PDE7A: variants seen among roughly 807,000 people sequenced by gnomAD.
PDE7A encodes high affinity 3',5'-cyclic-AMP phosphodiesterase 7A.
PDE7A carries 39 observed loss-of-function variants against 64.3 expected under a neutral mutation model. The observed-to-expected ratio is 0.61, with a 90% confidence interval of 0.47 to 0.79. PDE7A has a LOEUF of 0.79. Among genes scored for constraint, PDE7A ranks in the 30% least tolerant of loss-of-function variants. The probability of loss-of-function intolerance (pLI) is 0.00; values close to 1 mark genes in which losing one functional copy is unlikely to be tolerated. For missense variants in PDE7A, 470 were observed against 582.8 expected, an observed-to-expected ratio of 0.81 and a Z score of 1.99; for synonymous variants, 203 against 206.8, an observed-to-expected ratio of 0.98 and a Z score of 0.16.
At chr8:65,719,700 G>T in intron 12 of PDE7A, 1 of 556,220 alleles carries the variant, frequency 1.8e-6, no homozygotes, top group South Asian at 2.5e-5. Flanking sequence ...TAACTCAATG[G>T]AAATTTGAGT....
intron 1 of PDE7A, among the ~76,000 whole-genome samples, chr8:65,793,942 A>T (rs1809769023): frequency 6.6e-6 from 1 of 152,208 alleles, no homozygotes; most frequent in Non-Finnish European, 1.5e-5. Context: ...ATCTGCCTCA[A>T]ACTAGCCTCT....
At chr8:65,744,114 T>C (rs1807563971) in intron 5 of PDE7A, among the ~76,000 whole-genome samples, 1 of 152,172 alleles carries the variant, frequency 6.6e-6, no homozygotes, top group African/African-American at 2.4e-5. Flanking sequence ...ATTACAGGCA[T>C]GAGCCACCAC....
In PDE7A at chr8:65,716,771, C is replaced by G. The variant is rs142132335; in HGVS notation, c.*2519G>C. On this transcript the variant is annotated 3_prime_UTR_variant, in exon 13 of 13. Transcript: ENST00000401827. ...TAGTTCCACTCTCTATGTACTGAAA[C>G]AGTGGGCCTGAATTTTTAAGGATCT... Among the ~76,000 whole-genome samples the G allele has an allele frequency of 2.2e-4, 34 of 152,260 alleles. No homozygotes were observed. Among genetic ancestry groups the G allele is most frequent in the African/African-American group, 8.2e-4 (34 of 41,564 alleles).
intron 6 of PDE7A, among the ~76,000 whole-genome samples, chr8:65,738,769 T>C (rs1311545957): frequency 3.3e-5 from 5 of 152,186 alleles, no homozygotes; most frequent in Non-Finnish European, 1.5e-5. Flanking sequence ...AAAGAGATTC[T>C]AGGGGTCAGA....
rs145930008 is a variant in PDE7A at position 65,742,664 on chromosome 8, T to C, written c.499+2743A>G. Among the ~76,000 whole-genome samples, 272 of 152,332 alleles carry C rather than the reference T, an allele frequency of 1.8e-3. 1 individual carries two copies. Among genetic ancestry groups the C allele is most frequent in the African/African-American group, 6.0e-3 (251 of 41,580 alleles). ...TGAAGCAGTTTTAAAAGGAAAGCCA[T>C]TCTCATTATATAATATAAGCTAAAG... On this transcript the variant is annotated intron_variant, in intron 5 of 12. Transcript: ENST00000401827.
chr8:65,834,040 T>C (rs528805973), intron 1 of PDE7A, among the ~76,000 whole-genome samples: 2 of 152,236 alleles, frequency 1.3e-5, no homozygotes, highest in East Asian at 1.9e-4. Flanking sequence ...ACAAATACAG[T>C]TGACAATTCA....
intron 3 of PDE7A, among the ~76,000 whole-genome samples, chr8:65,755,164 G>C (rs891836939): frequency 1.3e-5 from 2 of 150,594 alleles, no homozygotes; most frequent in African/African-American, 4.9e-5. Flanking sequence ...GGGACTATAG[G>C]TGCATGCCAC....
At chr8:65,750,490 GTGTGTGTGTGTGTC>G (rs762652286) in intron 3 of PDE7A, among the ~76,000 whole-genome samples, 2,561 of 139,494 alleles carry the variant, frequency 0.018, 77 homozygotes, top group African/African-American at 0.065. Flanking sequence ...GTGTGTGTGT[GTGTGTGTGTGTGTC>G]TGTGTGTGTC....
intron 3 of PDE7A, among the ~76,000 whole-genome samples, chr8:65,769,457 C>A (rs1377599291): frequency 6.6e-6 from 1 of 152,134 alleles, no homozygotes; most frequent in Non-Finnish European, 1.5e-5. Flanking sequence ...TACTTCTTGG[C>A]TAGAAGAATT....
intron 1 of PDE7A, among the ~76,000 whole-genome samples, chr8:65,805,099 C>T (rs913265091): frequency 1.3e-5 from 2 of 152,200 alleles, no homozygotes; most frequent in Non-Finnish European, 2.9e-5. Context: ...CTGCCTCAGC[C>T]TCCCAAAGTG....
At chr8:65,816,024 T>C (rs1810391084) in intron 1 of PDE7A, among the ~76,000 whole-genome samples, 1 of 152,182 alleles carries the variant, frequency 6.6e-6, no homozygotes, top group African/African-American at 2.4e-5. Context: ...GCAATGCCAC[T>C]CTCCTACTTC....
chr8:65,751,828 T>C (rs1807983233), intron 3 of PDE7A, among the ~76,000 whole-genome samples: 1 of 152,188 alleles, frequency 6.6e-6, no homozygotes, highest in Non-Finnish European at 1.5e-5. Context: ...TATAGAAACA[T>C]ATTATTTTTC....
At chr8:65,836,606 C>T (rs962171432) in intron 1 of PDE7A, among the ~76,000 whole-genome samples, 7 of 152,106 alleles carry the variant, frequency 4.6e-5, no homozygotes, top group African/African-American at 1.4e-4. Flanking sequence ...CATACATCAA[C>T]GAAAACCTAA....
chr8:65,731,220 C>T (rs1806873452), intron 7 of PDE7A, among the ~76,000 whole-genome samples: 1 of 152,160 alleles, frequency 6.6e-6, no homozygotes, highest in African/African-American at 2.4e-5. Flanking sequence ...TAGCAATTAG[C>T]ATCTACTCAG....
At chr8:65,776,941 A>G (rs1809276271) in intron 3 of PDE7A, among the ~76,000 whole-genome samples, 1 of 152,228 alleles carries the variant, frequency 6.6e-6, no homozygotes, top group Non-Finnish European at 1.5e-5. Context: ...TCGCAGAAAG[A>G]ATGTTTTAAT....
intron 1 of PDE7A, 110 bp downstream of exon 1, chr8:65,841,261 C>G (rs2128936504): frequency 2.4e-6 from 3 of 1,236,526 alleles, no homozygotes; most frequent in African/African-American, 3.1e-5. Flanking sequence ...TAGAAATCCC[C>G]AGACAATGGA....
At chr8:65,740,609 C>T (rs1229434368) in intron 5 of PDE7A, among the ~76,000 whole-genome samples, 1 of 152,112 alleles carries the variant, frequency 6.6e-6, no homozygotes, top group African/African-American at 2.4e-5. Flanking sequence ...ACTTTGTTGG[C>T]CAGGCTGGTC....
intron 1 of PDE7A, among the ~76,000 whole-genome samples, chr8:65,820,151 G>A (rs141146134): frequency 2.2e-3 from 335 of 152,318 alleles, no homozygotes; most frequent in Middle Eastern, 0.01. Context: ...ATCCCAACAC[G>A]TTGGGAGGCC....
At chr8:65,724,168 C>A in intron 11 of PDE7A, 87 bp downstream of exon 11, 3 of 775,394 alleles carry the variant, frequency 3.9e-6, no homozygotes, top group Non-Finnish European at 4.5e-6. Context: ...CTGCTAGACC[C>A]ATATAAATTA....
Sources: gnomAD v4.1 joint callset for allele counts (sites outside exome capture counted in the v4.1 genomes callset) on GRCh38, gnomAD v4.1.1 for gene constraint, MANE v1.5 for transcripts, NCBI Gene and HGNC (gene_info 2026-07-23, HGNC 2026-07-21) for gene names.